Variants in MORC1 observed in about 807,000 individuals in gnomAD.
MORC1 encodes MORC family CW-type zinc finger 1, also known as MORC family CW-type zinc finger protein 1.
Under a neutral mutation model 134.9 loss-of-function variants are expected in MORC1, and 59 were observed. The ratio of observed to expected loss-of-function variants is 0.44; its 90% CI spans 0.35 to 0.54. The LOEUF (loss-of-function observed/expected upper bound fraction) is 0.54, where lower values mean the gene tolerates loss of function less well. MORC1 is among the 20% of genes least tolerant of loss of function. The pLI, the probability that MORC1 is intolerant of heterozygous loss-of-function variation, is 0.00. For synonymous variants in MORC1, 395 were observed against 391.7 expected (o/e 1.01, Z -0.10); for missense variants, 947 against 1,134.5 (o/e 0.83, Z 2.37).
chr3:109,048,884 C>T (rs944095895), intron 14 of MORC1, among the ~76,000 whole-genome samples: 2 of 152,012 alleles, frequency 1.3e-5, no homozygotes, highest in African/African-American at 2.4e-5. Flanking sequence ...AAATACAGCC[C>T]GAGCTACTGG....
chr3:108,971,323 A>T lies in MORC1; in HGVS notation c.2550+7T>A. ...TTCCCTCACAGTTCCAAAAAAAACC[A>T]GCTTACCTCACAACTTAATGCAGGT... On this transcript the variant is annotated splice_region_variant and intron_variant, in intron 25 of 27. Coordinates refer to ENST00000232603, the MANE Select transcript of MORC1 (RefSeq NM_014429.4). The T allele has an allele frequency of 6.2e-7, 1 of 1,612,282 alleles. No individual in the cohort carries two copies.
rs1258442696 is a variant in MORC1, at chr3:109,000,477, C to T, written c.2187+80G>A. On this transcript the variant is annotated intron_variant, in intron 21 of 27. Transcript: ENST00000232603. The stretch of plus-strand genomic sequence containing the variant: ...GTTTTCCAACTAAATGTTTCCACTA[C>T]TTTGAGACACTAACAGATCCCTCTA... The T allele has an allele frequency of 5.6e-6, 6 of 1,077,786 alleles. No homozygotes were observed. The African/African-American group carries it at 9.6e-5, about 17-fold the overall frequency. The allele number at this position is 1,077,786 out of a possible 1,614,324, so 66.8% of individuals were successfully genotyped here. A position where few individuals can be genotyped will look rare whatever the true frequency, so the allele number is the denominator to read the frequency against.
intron 24 of MORC1, among the ~76,000 whole-genome samples, chr3:108,977,059 G>T (rs1408721994): frequency 6.6e-6 from 1 of 152,194 alleles, no homozygotes; most frequent in Admixed American, 6.5e-5. Context: ...AAACTCTGCT[G>T]CAACACACTC....
At chr3:109,080,288 G>A (rs764993680) in intron 8 of MORC1, among the ~76,000 whole-genome samples, 1 of 151,996 alleles carries the variant, frequency 6.6e-6, no homozygotes, top group Non-Finnish European at 1.5e-5. Context: ...AGCAGGTAAA[G>A]AGAGAGAGAG....
chr3:109,094,615 T>A (rs1179554650), intron 7 of MORC1, among the ~76,000 whole-genome samples: 1 of 152,196 alleles, frequency 6.6e-6, no homozygotes, highest in African/African-American at 2.4e-5. Context: ...CTAACTTTGC[T>A]ATCTAGTGCA....
chr3:109,114,551 G>C, intron 1 of MORC1, 114 bp from the exon 2 acceptor site: 1 of 847,226 alleles, frequency 1.2e-6, no homozygotes. Flanking sequence ...AGTGAATTAA[G>C]AAGTTACTCT....
At chr3:109,115,030 C>A (rs1184656128) in intron 1 of MORC1, among the ~76,000 whole-genome samples, 1 of 152,208 alleles carries the variant, frequency 6.6e-6, no homozygotes, top group Non-Finnish European at 1.5e-5. Flanking sequence ...ATGCTCCAGA[C>A]AGCCTTCAGT....
At chr3:109,095,663 T>C (rs1462008195) in intron 6 of MORC1, among the ~76,000 whole-genome samples, 3 of 152,184 alleles carry the variant, frequency 2.0e-5, no homozygotes, top group Non-Finnish European at 4.4e-5. Flanking sequence ...TGAGATTAGA[T>C]AGACCGAGTG....
At chr3:109,084,752 G>A (rs563981898) in intron 8 of MORC1, among the ~76,000 whole-genome samples, 69 of 151,918 alleles carry the variant, frequency 4.5e-4, no homozygotes, top group Non-Finnish European at 5.5e-4. Context: ...AATACACTAC[G>A]AAATTATAGT....
intron 23 of MORC1, among the ~76,000 whole-genome samples, chr3:108,980,581 C>T (rs544836385): frequency 2.0e-5 from 3 of 152,230 alleles, no homozygotes; most frequent in Non-Finnish European, 4.4e-5. Context: ...CCTAAGCTAG[C>T]TTTGGAATAA....
At chr3:109,028,742 T>C (rs757974052) in intron 16 of MORC1, among the ~76,000 whole-genome samples, 1 of 152,150 alleles carries the variant, frequency 6.6e-6, no homozygotes, top group Non-Finnish European at 1.5e-5. Flanking sequence ...AAATAAGATA[T>C]TATTTTGTTC....
chr3:109,032,798 G>T lies in MORC1; in HGVS notation c.1487C>A (p.Pro496His). ...CDLCLKWRVL[P>H]SSTNYQEKEF... ...TTTTTCCTGATAATTAGTAGAGGAAGGCAAGACTCTCCATTTAAGACAAAG... is the reference window on the plus strand; with the variant it reads ...TTTTTCCTGATAATTAGTAGAGGAATGCAAGACTCTCCATTTAAGACAAAG... Residue 496 changes from proline (P) to histidine (H), a missense_variant, in exon 16 of 28, where the codon CCT (proline) becomes CAT (histidine). Physicochemically the swap from Pro to His is moderately conservative, Grantham distance 77. This residue lies in a region of MORC1 where 722 missense variants were observed against 817.0 expected (regional missense o/e 0.88). Coordinates refer to ENST00000232603, the MANE Select transcript of MORC1 (RefSeq NM_014429.4). The T allele has an allele frequency of 6.2e-7, 1 of 1,604,320 alleles. No homozygotes were observed. The highest frequency in any genetic ancestry group is 1.3e-5 in the African/African-American group (1 of 74,682).
intron 17 of MORC1, among the ~76,000 whole-genome samples, chr3:109,009,554 AT>A (rs1948634127): frequency 6.6e-6 from 1 of 152,068 alleles, no homozygotes; most frequent in Admixed American, 6.5e-5. Context: ...GTGAAGAGTA[AT>A]TTGGTGAATA....
At chr3:109,007,390 T>A (rs1948566371) in intron 17 of MORC1, among the ~76,000 whole-genome samples, 1 of 152,140 alleles carries the variant, frequency 6.6e-6, no homozygotes, top group African/African-American at 2.4e-5. Flanking sequence ...AGCCCTTGTC[T>A]CTTTTCTCTC....
At chr3:109,012,857 T>C (rs1456495823) in intron 17 of MORC1, among the ~76,000 whole-genome samples, 1 of 152,196 alleles carries the variant, frequency 6.6e-6, no homozygotes, top group East Asian at 1.9e-4. Flanking sequence ...GAAAAAAAAC[T>C]TTTACCTCTT....
At chr3:108,962,939 G>A (rs1054449092) in intron 27 of MORC1, among the ~76,000 whole-genome samples, 4 of 151,852 alleles carry the variant, frequency 2.6e-5, no homozygotes, top group African/African-American at 4.8e-5. Flanking sequence ...AAAATATTTC[G>A]CTGTCTGAAA....
At chr3:109,050,140 G>A (rs1014187134) in intron 14 of MORC1, among the ~76,000 whole-genome samples, 6 of 152,046 alleles carry the variant, frequency 3.9e-5, no homozygotes, top group South Asian at 2.1e-4. Flanking sequence ...GGCCTTCCCC[G>A]GCCTACAGAC....
In MORC1 at chr3:108,982,739, A is replaced by G. The variant is rs985035568; in HGVS notation, c.2324+1977T>C. Among the ~76,000 whole-genome samples, 56 of 147,948 alleles carry G rather than the reference A, an allele frequency of 3.8e-4. 1 individual carries two copies. Among genetic ancestry groups the G allele is most frequent in the Non-Finnish European group, 7.1e-4 (48 of 67,192 alleles). ...GAACTTAAAGTATAAAAAAAAAAAA[A>G]AAGAAGAAGAAGAAGAAAGAAAGAA... On this transcript the variant is annotated intron_variant, in intron 23 of 27. Transcript: ENST00000232603.
chr3:109,004,595 T>C (rs1948492933), intron 20 of MORC1, among the ~76,000 whole-genome samples: 1 of 152,220 alleles, frequency 6.6e-6, no homozygotes, highest in African/African-American at 2.4e-5. Context: ...TTTGGACACA[T>C]GAAAATTCTA....
Sources: gnomAD v4.1 joint callset for allele counts (sites outside exome capture counted in the v4.1 genomes callset) on GRCh38, gnomAD v4.1.1 for gene constraint, gnomAD v4.1.1 regional missense constraint, MANE v1.5 for transcripts, NCBI Gene and HGNC (gene_info 2026-07-23, HGNC 2026-07-21) for gene names.